SLC31A1: variants seen among roughly 807,000 people sequenced by gnomAD.
SLC31A1 encodes solute carrier family 31 member 1, also known as high affinity copper uptake protein 1.
In SLC31A1, 5 loss-of-function variants were observed where a neutral mutation model predicts 17.2. The observed-to-expected ratio is 0.29, with a 90% confidence interval of 0.15 to 0.61. The LOEUF (loss-of-function observed/expected upper bound fraction) is 0.61, where lower values mean the gene tolerates loss of function less well. Ranked by LOEUF, SLC31A1 falls within the 20% of genes least tolerant of loss-of-function variation. The probability of loss-of-function intolerance (pLI) is 0.86; values close to 1 mark genes in which losing one functional copy is unlikely to be tolerated. For synonymous variants in SLC31A1, 76 were observed against 78.8 expected (o/e 0.96, Z 0.19); for missense variants, 161 against 241.4 (o/e 0.67, Z 2.21).
rs938686136 is a variant in SLC31A1, at chr9:113,256,051, T to TA, written c.-35-55dup. ...CATAGCAAGATTCCATCTCTAAAAA[T>TA]AAAAAAAAGAGATAAGATTTTTATA... is the stretch of plus-strand genomic sequence containing the variant. On this transcript the variant is annotated intron_variant, in intron 1 of 4. Transcript: ENST00000374212. 191 of 1,257,418 alleles carry TA rather than the reference T, an allele frequency of 1.5e-4. No homozygotes were observed. In the African/African-American group the frequency reaches 1.9e-3, roughly 13 times the overall value. The allele number at this position is 1,257,418 out of a possible 1,614,324, so 77.9% of individuals were successfully genotyped here.
At chr9:113,248,462 C>CTTTTTTTTTTTTTTTTTTTTTTTT (rs34154634) in intron 1 of SLC31A1, among the ~76,000 whole-genome samples, 1 of 86,552 alleles carries the variant, frequency 1.2e-5, no homozygotes, top group Non-Finnish European at 2.1e-5. Context: ...GAAAGCAGTC[C>CTTTTTTTTTTTTTTTTTTTTTTTT]TTTTTTTTTT....
intron 1 of SLC31A1, among the ~76,000 whole-genome samples, chr9:113,242,284 A>G (rs1831530455): frequency 6.6e-6 from 1 of 152,244 alleles, no homozygotes; most frequent in African/African-American, 2.4e-5. Flanking sequence ...ATGTAGGCAA[A>G]GATACCAGAC....
intron 1 of SLC31A1, among the ~76,000 whole-genome samples, chr9:113,225,080 G>C (rs1236218169): frequency 1.3e-5 from 2 of 152,170 alleles, no homozygotes; most frequent in Admixed American, 1.3e-4. Flanking sequence ...CGTACTTTCA[G>C]TAATAAGCAC....
chr9:113,224,850 C>T (rs1238816280), intron 1 of SLC31A1, among the ~76,000 whole-genome samples: 2 of 152,190 alleles, frequency 1.3e-5, no homozygotes, highest in African/African-American at 4.8e-5. Flanking sequence ...ATTGCTTTGC[C>T]ACTTATTAGT....
In SLC31A1 at chr9:113,258,982, C is replaced by A; in HGVS notation, c.371+120C>A. ...GTTAGGAGTTCTGTATGACCTTGATCAAAACTGTCCTTGGAGGTTTGGGTT... is the reference window on the plus strand; with the variant it reads ...GTTAGGAGTTCTGTATGACCTTGATAAAAACTGTCCTTGGAGGTTTGGGTT... On this transcript the variant is annotated intron_variant, in intron 4 of 4. Transcript: ENST00000374212. The surrounding 1 kb of genome is among the most constrained non-coding windows in gnomAD (Gnocchi z 4.8). 9.6e-7 allele frequency: 1 copy of A among 1,040,194 alleles called. No homozygotes were observed. The highest frequency in any genetic ancestry group is 1.5e-6 in the Non-Finnish European group (1 of 673,356). 64.4% of individuals were successfully genotyped at this position (1,040,194 alleles called of 1,614,324 possible). A position where few individuals can be genotyped will look rare whatever the true frequency, so the allele number is the denominator to read the frequency against.
At position 113,228,653 on chromosome 9, in the gene SLC31A1, C is replaced by T. The variant is rs529908369; in HGVS notation, c.-36+6975C>T. Among the ~76,000 whole-genome samples, 7 of 152,272 alleles carry T rather than the reference C, an allele frequency of 4.6e-5. 1 individual carries two copies. The highest frequency in any genetic ancestry group is 1.7e-4 in the African/African-American group (7 of 41,544). On this transcript the variant is annotated intron_variant, in intron 1 of 4. Coordinates refer to ENST00000374212, the MANE Select transcript of SLC31A1 (RefSeq NM_001859.4). ...ACAGGATATGTAAAGCTCAGAAACC[C>T]ATCCTGCTTAGCTGCTTCCCAGCAA...
At position 113,262,314 on chromosome 9, in the gene SLC31A1, T is replaced by C. The variant is rs1424542144; in HGVS notation, c.*1841T>C. On this transcript the variant is annotated 3_prime_UTR_variant, in exon 5 of 5. Transcript: ENST00000374212. ...CCCTGTTCTCAGTGAAGAACCACATTGGATTTGTATTCTGTTCAGTTGTAG... is the reference window on the plus strand; with the variant it reads ...CCCTGTTCTCAGTGAAGAACCACATCGGATTTGTATTCTGTTCAGTTGTAG... 6.5e-6 allele frequency: 1 copy of C among 152,688 alleles called. No individual in the cohort carries two copies. Among genetic ancestry groups the C allele is most frequent in the Non-Finnish European group, 1.5e-5 (1 of 68,054 alleles). 9.5% of individuals were successfully genotyped at this position (152,688 alleles called of 1,614,324 possible).
At chr9:113,243,524 C>T (rs1189256228) in intron 1 of SLC31A1, among the ~76,000 whole-genome samples, 1 of 146,666 alleles carries the variant, frequency 6.8e-6, no homozygotes, top group African/African-American at 2.5e-5. Flanking sequence ...AGGGGATGAC[C>T]TTCAACCGAT....
chr9:113,221,710 C>T (rs41280221), intron 1 of SLC31A1, 32 bp downstream of exon 1: 1 of 278,060 alleles, frequency 3.6e-6, no homozygotes, highest in African/African-American at 2.2e-5. Flanking sequence ...CTTTCGCACC[C>T]CTGTGCATGG....
At chr9:113,256,512 C>A (rs150704050) in intron 2 of SLC31A1, 179 of 420,174 alleles carry the variant, frequency 4.3e-4, no homozygotes, top group African/African-American at 3.0e-3. Flanking sequence ...CTTCTGAAAT[C>A]GACTCTTTTC....
chr9:113,245,987 A>G (rs539698857), intron 1 of SLC31A1, among the ~76,000 whole-genome samples: 18 of 151,876 alleles, frequency 1.2e-4, no homozygotes, highest in Admixed American at 9.2e-4. Flanking sequence ...GTTTTCCTAC[A>G]TCTCCTTTGC....
chr9:113,253,958 C>CTTTTTTTTTTTTTTTTT (rs397967653), intron 1 of SLC31A1, among the ~76,000 whole-genome samples: 2 of 110,418 alleles, frequency 1.8e-5, no homozygotes, highest in Admixed American at 1.1e-4. Context: ...TACCCACAGT[C>CTTTTTTTTTTTTTTTTT]TTTTTTTTTT....
intron 1 of SLC31A1, among the ~76,000 whole-genome samples, chr9:113,251,739 T>C (rs1831656566): frequency 6.6e-6 from 1 of 152,216 alleles, no homozygotes; most frequent in African/African-American, 2.4e-5. Context: ...CTTTAATAAT[T>C]AATTTGTAAG....
chr9:113,222,931 A>G (rs1197486867), intron 1 of SLC31A1, among the ~76,000 whole-genome samples: 3 of 152,194 alleles, frequency 2.0e-5, no homozygotes, highest in African/African-American at 7.2e-5. Context: ...TAACAGAAAG[A>G]GCTTGCTAGC....
chr9:113,234,869 G>A (rs988634405), intron 1 of SLC31A1, among the ~76,000 whole-genome samples: 2 of 152,154 alleles, frequency 1.3e-5, no homozygotes, highest in African/African-American at 4.8e-5. Flanking sequence ...TATTCATACT[G>A]TTGTGAGATT....
intron 1 of SLC31A1, among the ~76,000 whole-genome samples, chr9:113,249,366 T>A (rs956090020): frequency 3.4e-4 from 52 of 151,794 alleles, no homozygotes; most frequent in Admixed American, 5.9e-4. Flanking sequence ...GTTTTTTTTT[T>A]ATTTTTTTAT....
intron 1 of SLC31A1, among the ~76,000 whole-genome samples, chr9:113,241,150 A>C (rs1831517698): frequency 6.6e-6 from 1 of 152,182 alleles, no homozygotes; most frequent in African/African-American, 2.4e-5. Context: ...GGCTGGAAAG[A>C]TAAGTCTGTA....
intron 1 of SLC31A1, among the ~76,000 whole-genome samples, chr9:113,245,714 A>G (rs10759634): frequency 0.077 from 11,644 of 151,266 alleles, 556 homozygotes; most frequent in South Asian, 0.14. Context: ...CACTGCAGCC[A>G]TGACCTCCCA....
At chr9:113,226,514 T>C (rs1034935471) in intron 1 of SLC31A1, among the ~76,000 whole-genome samples, 32 of 152,026 alleles carry the variant, frequency 2.1e-4, no homozygotes, top group African/African-American at 7.7e-4. Flanking sequence ...CATTTTATGA[T>C]TTAGGTAACA....
Sources: gnomAD v4.1 joint callset for allele counts (sites outside exome capture counted in the v4.1 genomes callset) on GRCh38, gnomAD v4.1.1 for gene constraint, Gnocchi (gnomAD v3.1) non-coding constraint, MANE v1.5 for transcripts, NCBI Gene and HGNC (gene_info 2026-07-23, HGNC 2026-07-21) for gene names.